ADCY7: variants seen among roughly 807,000 people sequenced by gnomAD.
ADCY7 encodes adenylate cyclase 7, also known as adenylate cyclase type 7.
Under a neutral mutation model 120.6 loss-of-function variants are expected in ADCY7, and 72 were observed. The ratio of observed to expected loss-of-function variants is 0.60; its 90% CI spans 0.49 to 0.73. The LOEUF is 0.73. ADCY7 is among the 30% of genes least tolerant of loss of function. ADCY7 has a pLI of 0.00. For synonymous variants in ADCY7, 661 were observed against 628.0 expected (o/e 1.05, Z -0.78); for missense variants, 1,227 against 1,486.0 (o/e 0.83, Z 2.87).
chr16:50,304,993 G>A, intron 12 of ADCY7, 34 bp downstream of exon 12: 1 of 1,612,288 alleles, frequency 6.2e-7, no homozygotes, highest in Non-Finnish European at 8.5e-7. Flanking sequence ...AAGTCCTGCT[G>A]CAGCCACCTC....
At chr16:50,265,861 C>T (rs190628524), upstream of ADCY7, among the ~76,000 whole-genome samples, 3 of 152,372 alleles carry the variant, frequency 2.0e-5, no homozygotes, top group Non-Finnish European at 4.4e-5. Context: ...CTCTCCTGAT[C>T]TGCTCCCTCG....
intron 1 of ADCY7, among the ~76,000 whole-genome samples, chr16:50,281,542 C>T (rs1484548753): frequency 5.3e-5 from 8 of 152,266 alleles, no homozygotes; most frequent in African/African-American, 1.9e-4. Flanking sequence ...GCTGGCTACC[C>T]TGCTCGGCCA....
chr16:50,295,474 G>A (rs1238759871), intron 7 of ADCY7, among the ~76,000 whole-genome samples: 5 of 148,218 alleles, frequency 3.4e-5, no homozygotes, highest in Non-Finnish European at 7.4e-5. Flanking sequence ...GATTACAGCC[G>A]TGGGCCACCA....
chr16:50,315,055 C>T lies in ADCY7; in HGVS notation c.3013C>T (p.Arg1005Ter), dbSNP rs1282697693. The T allele has an allele frequency of 3.1e-6, 5 of 1,614,184 alleles. No individual in the cohort carries two copies. Among genetic ancestry groups the T allele is most frequent in the South Asian group, 1.1e-5 (1 of 91,080 alleles). The change falls in exon 25 of 26, where the codon CGA becomes TGA. Residue 1005 changes from arginine to a stop codon, truncating the protein, a stop_gained. Transcript: ENST00000673801. LOFTEE classifies it high-confidence loss of function. ...GPVIAGVIGA[R>*]KPQYDIWGNT... ...TGTGATTGCTGGAGTGATTGGGGCC[C>T]GAAAACCTCAGTATGACATCTGGGG...
intron 1 of ADCY7, among the ~76,000 whole-genome samples, chr16:50,270,603 C>G (rs979021254): frequency 6.6e-6 from 1 of 152,208 alleles, no homozygotes; most frequent in Non-Finnish European, 1.5e-5. Context: ...TCGTGAGGCT[C>G]TCGTCTGCCT....
intron 22 of ADCY7, 56 bp downstream of exon 22, chr16:50,313,092 G>A: frequency 1.2e-6 from 2 of 1,602,216 alleles, no homozygotes; most frequent in Non-Finnish European, 1.7e-6. Flanking sequence ...GGAGAGGGAA[G>A]GGCGGTGGCA....
rs200651932 is a variant in ADCY7, at chr16:50,291,799, G to T, written c.439G>T (p.Ala147Ser). Residue 147 changes from alanine to serine, a missense_variant, in exon 4 of 26, where the codon GCT becomes TCT. Physicochemically the swap from Ala to Ser is moderately conservative, Grantham distance 99 (BLOSUM62 1). This residue lies in a region of ADCY7 where 382 missense variants were observed against 411.4 expected (regional missense o/e 0.93). Transcript: ENST00000673801. ...YTLLPFSMRG[A>S]VAVGAVSTAS... ...ACTACTGCCCTTCAGCATGCGGGGC[G>T]CTGTCGCCGTTGGGGCCGTCTCCAC... 1 of 1,614,006 alleles carries T rather than the reference G, an allele frequency of 6.2e-7. No homozygotes were observed. The highest frequency in any genetic ancestry group is 8.5e-7 in the Non-Finnish European group (1 of 1,179,992).
intron 1 of ADCY7, among the ~76,000 whole-genome samples, chr16:50,282,310 G>A (rs922129571): frequency 2.6e-5 from 4 of 152,242 alleles, no homozygotes; most frequent in South Asian, 2.1e-4. Flanking sequence ...AGGATTTTCC[G>A]AGCACCCAGG....
intron 10 of ADCY7, among the ~76,000 whole-genome samples, chr16:50,301,419 A>T (rs1251989315): frequency 1.3e-5 from 2 of 152,158 alleles, no homozygotes; most frequent in Non-Finnish European, 2.9e-5. Flanking sequence ...TTTCTATGTG[A>T]TGGGAAAACA....
intron 7 of ADCY7, among the ~76,000 whole-genome samples, chr16:50,298,127 C>A (rs2035478030): frequency 6.6e-6 from 1 of 152,082 alleles, no homozygotes; most frequent in African/African-American, 2.4e-5. Context: ...TTCCTCTCTG[C>A]ATTGATATCT....
At chr16:50,287,041 G>A (rs1457159412) in intron 1 of ADCY7, among the ~76,000 whole-genome samples, 1 of 150,382 alleles carries the variant, frequency 6.6e-6, no homozygotes, top group East Asian at 2.0e-4. Flanking sequence ...TTTTGAGATG[G>A]AGTCTCACTC....
chr16:50,265,275 G>A (rs1014931559), upstream of ADCY7, among the ~76,000 whole-genome samples: 3 of 152,136 alleles, frequency 2.0e-5, no homozygotes, highest in Non-Finnish European at 2.9e-5. Context: ...ACATTTGCTA[G>A]GGAGACATTT....
At chr16:50,281,955 C>T (rs575392813) in intron 1 of ADCY7, among the ~76,000 whole-genome samples, 6 of 152,190 alleles carry the variant, frequency 3.9e-5, no homozygotes, top group Non-Finnish European at 7.3e-5. Flanking sequence ...CCGGCAGGAC[C>T]GGGGGCGCGA....
intron 7 of ADCY7, among the ~76,000 whole-genome samples, chr16:50,298,482 T>G (rs1393666962): frequency 3.3e-5 from 5 of 152,164 alleles, no homozygotes; most frequent in Non-Finnish European, 7.4e-5. Flanking sequence ...CTGGGCACAC[T>G]GTTTTGTTTT....
At chr16:50,290,377 G>C in intron 2 of ADCY7, 80 bp from the exon 3 acceptor site, 1 of 1,519,016 alleles carries the variant, frequency 6.6e-7, no homozygotes, top group South Asian at 1.2e-5. Context: ...AAGTGAGGCA[G>C]CCGGCCCGGC....
At chr16:50,264,682 G>T (rs1212282493), upstream of ADCY7, among the ~76,000 whole-genome samples, 1 of 152,098 alleles carries the variant, frequency 6.6e-6, no homozygotes, top group Admixed American at 6.6e-5. Context: ...TCTCTATATG[G>T]TTTTAATTTG....
At chr16:50,305,328 A>C (rs1442223083) in intron 12 of ADCY7, among the ~76,000 whole-genome samples, 175 bp from the exon 13 acceptor site, 1 of 152,154 alleles carries the variant, frequency 6.6e-6, no homozygotes, top group Admixed American at 6.5e-5. Context: ...CAGCTGGGCC[A>C]TGCTGGGCCA....
rs950416731 is a variant in ADCY7, at chr16:50,292,811, G to C, written c.673G>C (p.Glu225Gln). 6.2e-7 allele frequency: 1 copy of C among 1,613,372 alleles called. No homozygotes were observed. Among genetic ancestry groups the C allele is most frequent in the Non-Finnish European group, 8.5e-7 (1 of 1,179,956 alleles). The change falls in exon 5 of 26, where the codon GAG becomes CAG. Residue 225 changes from glutamate (E) to glutamine (Q), a missense_variant. Glu to Gln is a conservative substitution (Grantham distance 29). This residue lies in a region of ADCY7 where 382 missense variants were observed against 411.4 expected (regional missense o/e 0.93). Coordinates refer to ENST00000673801, the MANE Select transcript of ADCY7 (RefSeq NM_001114.5). ...CCAGATCCGCCGGAAGCTGCGCATC[G>C]AGAAGCGCCAGCAGGTGGGACCCGG... ...CIQIRRKLRI[E>Q]KRQQENLLLS...
Position 50,294,632 on chromosome 16 carries a change from A to G in ADCY7, c.837-8A>G. 2 of 836,838 alleles carry G rather than the reference A, an allele frequency of 2.4e-6. No homozygotes were observed. The highest frequency in any genetic ancestry group is 4.0e-6 in the Non-Finnish European group (2 of 504,788). The allele number at this position is 836,838 out of a possible 1,614,324, so 51.8% of individuals were successfully genotyped here. ...CTGACACTCCCTCCCACCCTGCCCCATCCCCAGCATCCTCTATGCGGACAT... is the reference window on the plus strand; with the variant it reads ...CTGACACTCCCTCCCACCCTGCCCCGTCCCCAGCATCCTCTATGCGGACAT... On this transcript the variant is annotated splice_polypyrimidine_tract_variant and splice_region_variant and intron_variant, in intron 6 of 25. Coordinates refer to ENST00000673801, the MANE Select transcript of ADCY7 (RefSeq NM_001114.5).
Sources: gnomAD v4.1 joint callset for allele counts (sites outside exome capture counted in the v4.1 genomes callset) on GRCh38, gnomAD v4.1.1 for gene constraint, gnomAD v4.1.1 regional missense constraint, MANE v1.5 for transcripts, NCBI Gene and HGNC (gene_info 2026-07-23, HGNC 2026-07-21) for gene names.